Variants in SCHIP1 observed in about 807,000 individuals in gnomAD.
SCHIP1 encodes schwannomin-interacting protein 1.
SCHIP1 carries 8 observed loss-of-function variants against 29.7 expected under a neutral mutation model. That is an observed-to-expected ratio of 0.27 (90% CI 0.16 to 0.49). The LOEUF (loss-of-function observed/expected upper bound fraction) is 0.49, where lower values mean the gene tolerates loss of function less well. Among genes scored for constraint, SCHIP1 ranks in the 20% least tolerant of loss-of-function variants. The pLI is 0.99. For synonymous variants in SCHIP1, 76 were observed against 94.9 expected (o/e 0.80, Z 1.16); for missense variants, 193 against 294.6 (o/e 0.66, Z 2.52).
the SCHIP1 span, among the ~76,000 whole-genome samples, chr3:159,699,250 T>C: frequency 6.6e-6 from 1 of 152,218 alleles, no homozygotes; most frequent in Non-Finnish European, 1.5e-5. Context: ...ATGACAACCT[T>C]ATATAATAAA....
chr3:159,844,240 G>A (rs1334302946), intron 1 of SCHIP1, among the ~76,000 whole-genome samples: 1 of 152,184 alleles, frequency 6.6e-6, no homozygotes, highest in African/African-American at 2.4e-5. Flanking sequence ...CTTACACATT[G>A]CTTTTCTAAA....
chr3:159,543,588 G>A, the SCHIP1 span, among the ~76,000 whole-genome samples: 3 of 151,410 alleles, frequency 2.0e-5, no homozygotes, highest in African/African-American at 2.4e-5. Context: ...TGGTGTATAT[G>A]TGCCACATTT....
At chr3:159,878,064 A>G (rs538323396) in intron 2 of SCHIP1, among the ~76,000 whole-genome samples, 2 of 152,222 alleles carry the variant, frequency 1.3e-5, no homozygotes, top group South Asian at 2.1e-4. Context: ...CTGCATAGAC[A>G]TGGCTGAGTC....
the SCHIP1 span, among the ~76,000 whole-genome samples, chr3:159,338,182 A>G: frequency 7.8e-3 from 1,192 of 152,328 alleles, 18 homozygotes; most frequent in African/African-American, 0.027. Flanking sequence ...ATCAGGCAAT[A>G]GAAAATACAT....
At chr3:159,664,669 G>A in the SCHIP1 span, among the ~76,000 whole-genome samples, 4 of 152,198 alleles carry the variant, frequency 2.6e-5, no homozygotes, top group African/African-American at 9.7e-5. Flanking sequence ...AGGAAGGTGT[G>A]TTCAGAGGCC....
the SCHIP1 span, among the ~76,000 whole-genome samples, chr3:159,636,349 A>G: frequency 6.6e-6 from 1 of 152,190 alleles, no homozygotes; most frequent in Non-Finnish European, 1.5e-5. Context: ...CACCCAGCCT[A>G]ATTTTGCAAT....
At chr3:159,420,321 G>C in the SCHIP1 span, among the ~76,000 whole-genome samples, 1 of 152,188 alleles carries the variant, frequency 6.6e-6, no homozygotes, top group African/African-American at 2.4e-5. Context: ...GGAAAAGCGC[G>C]ATCTTTCTGG....
At chr3:159,505,515 C>T in the SCHIP1 span, among the ~76,000 whole-genome samples, 1 of 152,144 alleles carries the variant, frequency 6.6e-6, no homozygotes, top group African/African-American at 2.4e-5. Context: ...GGTACACGTG[C>T]ACAACGTGCA....
chr3:159,714,443 T>C, the SCHIP1 span, among the ~76,000 whole-genome samples: 1 of 152,158 alleles, frequency 6.6e-6, no homozygotes, highest in African/African-American at 2.4e-5. Flanking sequence ...GGGCAAGGCA[T>C]TTCCTCACCC....
At chr3:159,523,830 T>A in the SCHIP1 span, among the ~76,000 whole-genome samples, 2 of 152,158 alleles carry the variant, frequency 1.3e-5, no homozygotes, top group South Asian at 2.1e-4. Flanking sequence ...ACAAACACAA[T>A]GTAACACACA....
At chr3:159,892,456 T>C in intron 6 of SCHIP1, 1 of 580,362 alleles carries the variant, frequency 1.7e-6, no homozygotes, top group South Asian at 2.2e-5. Flanking sequence ...GGTCTAGTTC[T>C]GGTTTTGGAG....
At chr3:159,856,528 T>C (rs1713386200) in intron 1 of SCHIP1, among the ~76,000 whole-genome samples, 1 of 152,096 alleles carries the variant, frequency 6.6e-6, no homozygotes, top group Non-Finnish European at 1.5e-5. Context: ...AAATTTAATA[T>C]AGAATATGGC....
the SCHIP1 span, among the ~76,000 whole-genome samples, chr3:159,751,111 C>T: frequency 6.6e-6 from 1 of 152,062 alleles, no homozygotes; most frequent in South Asian, 2.1e-4. Flanking sequence ...CCTACAGTTC[C>T]AATATTATGT....
chr3:159,570,297 A>G, the SCHIP1 span, among the ~76,000 whole-genome samples: 1 of 152,204 alleles, frequency 6.6e-6, no homozygotes, highest in Non-Finnish European at 1.5e-5. Flanking sequence ...TAAGTCTTTA[A>G]TCCATCTTGA....
the SCHIP1 span, among the ~76,000 whole-genome samples, chr3:159,392,396 G>A: frequency 6.6e-6 from 1 of 151,938 alleles, no homozygotes; most frequent in Non-Finnish European, 1.5e-5. Context: ...GTGCCATGCT[G>A]GTGCGCTGCA....
the SCHIP1 span, among the ~76,000 whole-genome samples, chr3:159,300,213 A>T: frequency 6.8e-6 from 1 of 147,778 alleles, no homozygotes; most frequent in African/African-American, 2.5e-5. Flanking sequence ...GCTCAAACTA[A>T]ATCCTGGACT....
chr3:159,553,966 A>T, the SCHIP1 span, among the ~76,000 whole-genome samples: 2 of 108,008 alleles, frequency 1.9e-5, no homozygotes, highest in Non-Finnish European at 1.8e-5. Context: ...ACGCCCAGCT[A>T]CGTGTGTGTG....
At chr3:159,528,265 T>G in the SCHIP1 span, among the ~76,000 whole-genome samples, 1 of 152,166 alleles carries the variant, frequency 6.6e-6, no homozygotes, top group Non-Finnish European at 1.5e-5. Flanking sequence ...ATGTACTCAT[T>G]TACATTCTTA....
the SCHIP1 span, among the ~76,000 whole-genome samples, chr3:159,547,781 G>C: frequency 6.6e-6 from 1 of 152,088 alleles, no homozygotes; most frequent in African/African-American, 2.4e-5. Context: ...ATCTGTTTTG[G>C]TACAAGTACT....
Sources: gnomAD v4.1 joint callset for allele counts (sites outside exome capture counted in the v4.1 genomes callset) on GRCh38, gnomAD v4.1.1 for gene constraint, MANE v1.5 for transcripts, NCBI Gene and HGNC (gene_info 2026-07-23, HGNC 2026-07-21) for gene names.